The following CSMD1 variants were observed in gnomAD, a reference collection of about 807,000 sequenced individuals.
The protein encoded by CSMD1 is CUB and Sushi multiple domains 1, also known as CUB and sushi domain-containing protein 1.
Under a neutral mutation model 417.5 loss-of-function variants are expected in CSMD1, and 213 were observed. That is an observed-to-expected ratio of 0.51 (90% CI 0.46 to 0.57). The LOEUF is 0.57. CSMD1 is among the 20% of genes least tolerant of loss of function. CSMD1 has a pLI of 0.00. For missense variants in CSMD1, 6,923 were observed against 4,529.7 expected, an observed-to-expected ratio of 1.53 and a Z score of -15.17; for synonymous variants, 2,862 against 1,736.8, an observed-to-expected ratio of 1.65 and a Z score of -16.11.
intron 26 of CSMD1, among the ~76,000 whole-genome samples, chr8:3,239,758 A>G (rs1410565431): frequency 1.3e-5 from 2 of 152,234 alleles, no homozygotes; most frequent in Non-Finnish European, 2.9e-5. Context: ...ACTGCCCTCA[A>G]TAAACCAAGC....
intron 3 of CSMD1, among the ~76,000 whole-genome samples, chr8:4,087,410 C>A (rs1284180039): frequency 6.6e-6 from 1 of 152,190 alleles, no homozygotes; most frequent in African/African-American, 2.4e-5. Flanking sequence ...GCATTTTGAG[C>A]AGATGCTCTT....
intron 3 of CSMD1, among the ~76,000 whole-genome samples, chr8:4,279,798 G>C (rs1796680083): frequency 2.0e-5 from 3 of 152,180 alleles, no homozygotes; most frequent in Non-Finnish European, 4.4e-5. Flanking sequence ...AGGAGTGTTG[G>C]ATTATGTCTT....
intron 54 of CSMD1, among the ~76,000 whole-genome samples, chr8:2,991,859 T>C (rs1245038702): frequency 1.3e-5 from 2 of 152,152 alleles, no homozygotes; most frequent in Non-Finnish European, 2.9e-5. Context: ...TTCCACCTAT[T>C]ACAAAGAAGC....
chr8:4,279,924 A>G (rs530300988), intron 3 of CSMD1, among the ~76,000 whole-genome samples: 63 of 152,348 alleles, frequency 4.1e-4, no homozygotes, highest in African/African-American at 1.5e-3. Context: ...TTTATTAAGC[A>G]AAGATACAAA....
chr8:2,956,559 T>A (rs1296366492), intron 63 of CSMD1, among the ~76,000 whole-genome samples: 1 of 152,098 alleles, frequency 6.6e-6, no homozygotes, highest in Non-Finnish European at 1.5e-5. Context: ...GTTCACGCCA[T>A]TCTCCTGACT....
At chr8:4,318,160 T>C (rs1036622317) in intron 3 of CSMD1, among the ~76,000 whole-genome samples, 9 of 152,280 alleles carry the variant, frequency 5.9e-5, no homozygotes, top group African/African-American at 2.2e-4. Context: ...ATATGAACAT[T>C]CTAATATTGT....
chr8:4,468,805 T>C (rs1055974895), intron 2 of CSMD1, among the ~76,000 whole-genome samples: 9 of 152,196 alleles, frequency 5.9e-5, no homozygotes, highest in African/African-American at 1.9e-4. Context: ...GGATAATCAA[T>C]AATTATTGTA....
intron 1 of CSMD1, among the ~76,000 whole-genome samples, chr8:4,817,904 C>T (rs533460185): frequency 6.6e-6 from 1 of 152,110 alleles, no homozygotes; most frequent in Non-Finnish European, 1.5e-5. Context: ...GAACAATCAG[C>T]AACAAATATT....
At chr8:3,441,950 G>T (rs894590005) in intron 12 of CSMD1, among the ~76,000 whole-genome samples, 1 of 151,974 alleles carries the variant, frequency 6.6e-6, no homozygotes, top group African/African-American at 2.4e-5. Flanking sequence ...GTGTGGTATT[G>T]CCCCGAAGAC....
chr8:3,348,286 A>C lies in CSMD1; in HGVS notation c.3305-125T>G, dbSNP rs1326744599. ...AACGTATGTGTGTTAGTAATATATT[A>C]TTTCAAAATAGATCAGTGATTTTTT... On this transcript the variant is annotated intron_variant, in intron 21 of 69. Transcript: ENST00000635120. 5 of 664,050 alleles carry C rather than the reference A, an allele frequency of 7.5e-6. No homozygotes were observed. In the East Asian group the frequency reaches 1.3e-4, roughly 17 times the overall value. 41.1% of individuals were successfully genotyped at this position (664,050 alleles called of 1,614,324 possible).
At chr8:4,377,743 C>T (rs1267217193) in intron 3 of CSMD1, among the ~76,000 whole-genome samples, 3 of 152,164 alleles carry the variant, frequency 2.0e-5, no homozygotes, top group African/African-American at 7.2e-5. Flanking sequence ...CTGCCCATAA[C>T]AACTATTAGG....
chr8:3,379,674 T>C (rs189204159), intron 18 of CSMD1, among the ~76,000 whole-genome samples: 1,813 of 152,166 alleles, frequency 0.012, 42 homozygotes, highest in East Asian at 0.083. Context: ...ATAAATGGTG[T>C]TGGGAAAACT....
chr8:3,388,993 T>A (rs968057403), intron 17 of CSMD1, among the ~76,000 whole-genome samples: 4 of 152,072 alleles, frequency 2.6e-5, no homozygotes, highest in Non-Finnish European at 5.9e-5. Flanking sequence ...TCCCACAGAT[T>A]TTATGCATTA....
chr8:3,305,023 A>C (rs1204324262), intron 25 of CSMD1, among the ~76,000 whole-genome samples: 3 of 152,158 alleles, frequency 2.0e-5, no homozygotes, highest in Non-Finnish European at 4.4e-5. Context: ...GTGAATTCAA[A>C]GTTAAGGACT....
At chr8:4,982,538 A>G (rs1810953307) in intron 1 of CSMD1, among the ~76,000 whole-genome samples, 3 of 152,258 alleles carry the variant, frequency 2.0e-5, no homozygotes, top group Admixed American at 6.5e-5. Flanking sequence ...TTTTGAAGCT[A>G]CAGTAAATGA....
chr8:3,437,543 A>G (rs918679475), intron 12 of CSMD1, among the ~76,000 whole-genome samples: 1 of 152,174 alleles, frequency 6.6e-6, no homozygotes, highest in East Asian at 1.9e-4. Context: ...ACAGAGGCCA[A>G]CGTATCCAGG....
At chr8:3,813,930 T>A (rs1801227486) in intron 5 of CSMD1, among the ~76,000 whole-genome samples, 1 of 152,200 alleles carries the variant, frequency 6.6e-6, no homozygotes, top group Non-Finnish European at 1.5e-5. Flanking sequence ...GTCTGTTGCT[T>A]CTGGAGTCTT....
At chr8:4,454,766 A>G (rs1799368043) in intron 2 of CSMD1, among the ~76,000 whole-genome samples, 1 of 152,240 alleles carries the variant, frequency 6.6e-6, no homozygotes, top group African/African-American at 2.4e-5. Context: ...AATGTCTGAA[A>G]TAGCCATTCT....
At chr8:4,378,169 T>C (rs1341394413) in intron 3 of CSMD1, among the ~76,000 whole-genome samples, 1 of 152,214 alleles carries the variant, frequency 6.6e-6, no homozygotes, top group Non-Finnish European at 1.5e-5. Flanking sequence ...ACTTATACTC[T>C]AGATATTGCG....
Sources: allele counts gnomAD v4.1 joint callset (sites outside exome capture counted in the v4.1 genomes callset), GRCh38; gene constraint gnomAD v4.1.1; transcripts MANE v1.5; gene names NCBI Gene and HGNC (gene_info 2026-07-23, HGNC 2026-07-21).